Variants in YLPM1 observed in about 807,000 individuals in gnomAD.
YLPM1 encodes YLP motif containing 1.
YLPM1 carries 99 observed loss-of-function variants against 230.0 expected under a neutral mutation model. That is an observed-to-expected ratio of 0.43 (90% CI 0.37 to 0.51). The LOEUF (loss-of-function observed/expected upper bound fraction) is 0.51. Ranked by LOEUF, YLPM1 falls within the 20% of genes least tolerant of loss-of-function variation. YLPM1 has a pLI of 0.00. For synonymous variants in YLPM1, 984 were observed against 942.5 expected (o/e 1.04, Z -0.81); for missense variants, 2,592 against 2,707.7 (o/e 0.96, Z 0.95).
rs569088174 is a variant in YLPM1 at position 74,799,607 on chromosome 14, A to G, written c.4310A>G (p.Asp1437Gly). The G allele has an allele frequency of 6.2e-7, 1 of 1,613,830 alleles. No homozygotes were observed. Among genetic ancestry groups the G allele is most frequent in the Non-Finnish European group, 8.5e-7 (1 of 1,179,854 alleles). ...SEMMGSDASL[D>G]SDQGLGGVMV... ...ATGATGGGGTCCGATGCAAGCTTAG[A>G]CTCTGACCAAGGCCTTGGAGGGGTA... Residue 1437 changes from aspartate (D) to glycine (G), a missense_variant, in exon 5 of 21, where the codon GAC (aspartate) becomes GGC (glycine). Physicochemically the swap from Asp to Gly is moderately conservative, Grantham distance 94. Around this residue, in one of 4 missense-constraint regions of YLPM1, gnomAD observed 1,862 missense variants for 1,819.8 expected, o/e 1.02. Coordinates refer to ENST00000325680, the MANE Select transcript of YLPM1 (RefSeq NM_019589.3).
chr14:74,805,196 A>G (rs1403140847), intron 6 of YLPM1, among the ~76,000 whole-genome samples: 1 of 151,400 alleles, frequency 6.6e-6, no homozygotes, highest in East Asian at 2.0e-4. Context: ...AATTTTTTGT[A>G]TTTTTAGTAG....
chr14:74,769,506 C>T (rs574906497), intron 1 of YLPM1, among the ~76,000 whole-genome samples: 5 of 151,686 alleles, frequency 3.3e-5, no homozygotes, highest in African/African-American at 9.7e-5. Flanking sequence ...AGGCTGGTCT[C>T]GAACTCCTGA....
intron 1 of YLPM1, among the ~76,000 whole-genome samples, chr14:74,775,991 A>C (rs1470556376): frequency 1.3e-5 from 2 of 152,198 alleles, no homozygotes; most frequent in Non-Finnish European, 2.9e-5. Flanking sequence ...TAGTAGAATC[A>C]TATGCTTTTG....
At chr14:74,810,052 A>G in intron 8 of YLPM1, 50 bp downstream of exon 8, 1 of 1,516,942 alleles carries the variant, frequency 6.6e-7, no homozygotes, top group Non-Finnish European at 8.9e-7. Flanking sequence ...GGGCCTAATT[A>G]TCACATGATT....
rs778800162 is a variant in YLPM1, at chr14:74,799,267, C to T, written c.3970C>T (p.Arg1324Cys). ...ACTGGATGAACAAGAATCACAGTTT[C>T]GTGAACGGGATATTCCATCTCTTCC... The part of the protein sequence containing the change: ...RPLDEQESQF[R>C]ERDIPSLPPL... Residue 1324 changes from arginine to cysteine, a missense_variant, in exon 5 of 21, where the codon CGT becomes TGT. Physicochemically the swap from Arg to Cys is radical, Grantham distance 180. Coordinates refer to ENST00000325680, the MANE Select transcript of YLPM1 (RefSeq NM_019589.3). The T allele has an allele frequency of 1.2e-5, 20 of 1,613,994 alleles. No individual in the cohort carries two copies. The highest frequency in any genetic ancestry group is 5.5e-5 in the South Asian group (5 of 91,072).
At chr14:74,795,967 G>A (rs1217406785) in intron 4 of YLPM1, among the ~76,000 whole-genome samples, 1 of 152,214 alleles carries the variant, frequency 6.6e-6, no homozygotes, top group African/African-American at 2.4e-5. Flanking sequence ...TGGAGAAGAG[G>A]AGGATGTGCC....
At chr14:74,802,266 A>G (rs1468171931) in intron 5 of YLPM1, among the ~76,000 whole-genome samples, 1 of 152,028 alleles carries the variant, frequency 6.6e-6, no homozygotes, top group Non-Finnish European at 1.5e-5. Context: ...TGGATTAAAG[A>G]AAAACATAAC....
At chr14:74,765,961 A>G (rs1250987699) in intron 1 of YLPM1, among the ~76,000 whole-genome samples, 4 of 152,186 alleles carry the variant, frequency 2.6e-5, no homozygotes, top group African/African-American at 7.2e-5. Flanking sequence ...TCTTCTTTTT[A>G]GAATTCATCC....
chr14:74,782,709 A>G (rs946863674), intron 4 of YLPM1, among the ~76,000 whole-genome samples: 1 of 152,194 alleles, frequency 6.6e-6, no homozygotes, highest in Non-Finnish European at 1.5e-5. Context: ...GTTGTTAGAG[A>G]TAAAGATGAA....
chr14:74,765,091 T>G (rs1333150111), intron 1 of YLPM1, among the ~76,000 whole-genome samples: 1 of 151,784 alleles, frequency 6.6e-6, no homozygotes, highest in Non-Finnish European at 1.5e-5. Flanking sequence ...GCCTTGCAAT[T>G]TGGCCAACGT....
chr14:74,792,431 G>A (rs997199022), intron 4 of YLPM1, among the ~76,000 whole-genome samples: 3 of 152,158 alleles, frequency 2.0e-5, no homozygotes, highest in Non-Finnish European at 4.4e-5. Context: ...GTAGTCTCAG[G>A]AGAAGCGGCC....
At chr14:74,773,006 G>A (rs769375795) in intron 1 of YLPM1, among the ~76,000 whole-genome samples, 2 of 151,428 alleles carry the variant, frequency 1.3e-5, no homozygotes, top group South Asian at 4.2e-4. Context: ...CCTACAAGGC[G>A]GCCGGGCACG....
At position 74,798,645 on chromosome 14, in the gene YLPM1, G is replaced by T. The variant is rs2091289937; in HGVS notation, c.3348G>T (p.Arg1116Ser). 1 of 1,612,074 alleles carries T rather than the reference G, an allele frequency of 6.2e-7. No homozygotes were observed. The change falls in exon 5 of 21, where the codon AGG becomes AGT. Residue 1116 changes from arginine (R) to serine (S), a missense_variant. By Grantham distance (110) the Arg-to-Ser change is moderately radical. Around this residue, in one of 4 missense-constraint regions of YLPM1, gnomAD observed 1,862 missense variants for 1,819.8 expected, o/e 1.02. Coordinates refer to ENST00000325680, the MANE Select transcript of YLPM1 (RefSeq NM_019589.3). ...AGSRERGPPR[R>S]AGSQERGPLR... ...GCCGAGAAAGGGGACCACCTCGGAGGGCTGGCAGTCAGGAGAGGGGACCTC... is the reference window on the plus strand; with the variant it reads ...GCCGAGAAAGGGGACCACCTCGGAGTGCTGGCAGTCAGGAGAGGGGACCTC...
At chr14:74,833,237 C>T (rs965321006) in intron 19 of YLPM1, among the ~76,000 whole-genome samples, 3 of 152,020 alleles carry the variant, frequency 2.0e-5, no homozygotes, top group Admixed American at 1.3e-4. Context: ...AGAGAATATA[C>T]ATGAATTAAA....
At chr14:74,825,372 AGGTG>A (rs2091553617) in intron 18 of YLPM1, among the ~76,000 whole-genome samples, 1 of 152,122 alleles carries the variant, frequency 6.6e-6, no homozygotes, top group African/African-American at 2.4e-5. Context: ...TTACTGGTAT[AGGTG>A]CTTTGTTGTC....
In YLPM1 at chr14:74,777,519, A is replaced by T. The variant is rs540464089; in HGVS notation, c.874-928A>T. Among the ~76,000 whole-genome samples the T allele has an allele frequency of 2.6e-5, 4 of 151,342 alleles. No individual in the cohort carries two copies. The East Asian group carries it at 7.8e-4, about 30-fold the overall frequency. On this transcript the variant is annotated intron_variant, in intron 1 of 20. Transcript: ENST00000325680. Reference sequence around the variant, plus strand: ...GAGGTGGAGGTTGCAGTGAGCCGAGATCACACCACTGCACTCCAGCCTGGG... The same window carrying T: ...GAGGTGGAGGTTGCAGTGAGCCGAGTTCACACCACTGCACTCCAGCCTGGG...
At chr14:74,769,171 G>T (rs2140069414) in intron 1 of YLPM1, among the ~76,000 whole-genome samples, 1 of 150,410 alleles carries the variant, frequency 6.6e-6, no homozygotes, top group African/African-American at 2.4e-5. Flanking sequence ...CGCCTTCCGG[G>T]TTTAAGCAAT....
intron 5 of YLPM1, 89 bp downstream of exon 5, chr14:74,799,786 C>G (rs2140112366): frequency 7.0e-7 from 1 of 1,435,204 alleles, no homozygotes; most frequent in East Asian, 2.5e-5. Context: ...TGAATGGAAT[C>G]ATTTTACTTC....
rs2091420705 is a variant in YLPM1 at position 74,810,249 on chromosome 14, A to T, written c.5057A>T (p.Tyr1686Phe). The T allele has an allele frequency of 6.2e-7, 1 of 1,613,894 alleles. No homozygotes were observed. The highest frequency in any genetic ancestry group is 2.2e-5 in the East Asian group (1 of 44,872). The change falls in exon 9 of 21, where the codon TAT (tyrosine) becomes TTT (phenylalanine). Residue 1686 changes from tyrosine (Y) to phenylalanine (F), a missense_variant. Transcript: ENST00000325680. ...GAGCATGCAGGCCAACGTGATCGTTATGATAGAGAAAGAGATCGTGAGCCT... is the reference window on the plus strand; with the variant it reads ...GAGCATGCAGGCCAACGTGATCGTTTTGATAGAGAAAGAGATCGTGAGCCT... ...ETEHAGQRDR[Y>F]DRERDREPYF...
Sources: allele counts gnomAD v4.1 joint callset (sites outside exome capture counted in the v4.1 genomes callset), GRCh38; gene constraint gnomAD v4.1.1; regional missense constraint gnomAD v4.1.1; transcripts MANE v1.5; gene names NCBI Gene and HGNC (gene_info 2026-07-23, HGNC 2026-07-21).